Variants in ABHD3 observed in about 807,000 individuals in gnomAD.
The protein encoded by ABHD3 is phospholipase ABHD3.
ABHD3 carries 46 observed loss-of-function variants against 48.8 expected under a neutral mutation model. The observed-to-expected ratio is 0.94, with a 90% CI of 0.74 to 1.20. The LOEUF (loss-of-function observed/expected upper bound fraction) is 1.20. Ranked by LOEUF, ABHD3 falls within the 50% of genes most tolerant of loss-of-function variation. ABHD3 has a pLI of 0.00. For missense variants in ABHD3, 490 were observed against 497.8 expected (o/e 0.98, Z 0.15); for synonymous variants, 192 against 183.7 (o/e 1.04, Z -0.36).
intron 3 of ABHD3, among the ~76,000 whole-genome samples, chr18:21,694,651 C>A (rs192211679): frequency 1.5e-3 from 222 of 152,274 alleles, no homozygotes; most frequent in African/African-American, 5.1e-3. Context: ...TCGAGTGATC[C>A]TTTTGCCCTC....
chr18:21,670,697 C>A (rs2039738267), intron 4 of ABHD3, among the ~76,000 whole-genome samples: 1 of 152,160 alleles, frequency 6.6e-6, no homozygotes, highest in Non-Finnish European at 1.5e-5. Flanking sequence ...TCAACCTTGC[C>A]TGTTGAAATT....
intron 4 of ABHD3, among the ~76,000 whole-genome samples, chr18:21,674,132 T>C (rs915629009): frequency 1.5e-4 from 23 of 152,170 alleles, no homozygotes; most frequent in Non-Finnish European, 2.8e-4. Flanking sequence ...CCCAAACATC[T>C]CATACCTTAC....
chr18:21,700,562 C>T (rs1333040371), intron 3 of ABHD3, among the ~76,000 whole-genome samples: 2 of 151,638 alleles, frequency 1.3e-5, no homozygotes, highest in Non-Finnish European at 2.9e-5. Flanking sequence ...TCACACCTGG[C>T]TAATTTTTGT....
intron 4 of ABHD3, among the ~76,000 whole-genome samples, chr18:21,680,833 TTC>T (rs2039987898): frequency 6.7e-6 from 1 of 150,134 alleles, no homozygotes; most frequent in Non-Finnish European, 1.5e-5. Flanking sequence ...TATTTGTTGT[TTC>T]TTTTTTTCTT....
Position 21,702,416 on chromosome 18 carries a change from T to C in ABHD3, c.409A>G (p.Ser137Gly), listed in dbSNP as rs1340911772. ...AACAATAAGATAGTAGGTCTGGTGC[T>C]GGCATCCATATAACACGTACTGTTA... is the stretch of plus-strand genomic sequence containing the variant. The part of the protein sequence containing the change: ...NDNSTCYMDA[S>G]TRPTILLLPG... The change falls in exon 3 of 9, where the codon AGC (serine) becomes GGC (glycine). Residue 137 changes from serine to glycine, a missense_variant. By Grantham distance (56) the Ser-to-Gly change is moderately conservative (BLOSUM62 0). Coordinates refer to ENST00000289119, the MANE Select transcript of ABHD3 (RefSeq NM_138340.5). The C allele has an allele frequency of 6.2e-7, 1 of 1,614,116 alleles. No individual in the cohort carries two copies. The highest frequency in any genetic ancestry group is 1.7e-5 in the Admixed American group (1 of 60,010).
intron 3 of ABHD3, among the ~76,000 whole-genome samples, chr18:21,696,205 G>A (rs1312642830): frequency 2.7e-5 from 4 of 150,068 alleles, no homozygotes; most frequent in East Asian, 1.9e-4. Flanking sequence ...GTGCAGTGGC[G>A]CGATCTCGGC....
chr18:21,695,092 G>A (rs974350592), intron 3 of ABHD3, among the ~76,000 whole-genome samples: 2 of 152,054 alleles, frequency 1.3e-5, no homozygotes, highest in Admixed American at 6.6e-5. Context: ...GAGTGCAATG[G>A]AGCAATCTCA....
chr18:21,701,976 A>G (rs1304188147), intron 3 of ABHD3: 1 of 168,788 alleles, frequency 5.9e-6, no homozygotes, highest in Non-Finnish European at 1.3e-5. Context: ...GTACTCTCTC[A>G]GGGGTCTGTA....
At chr18:21,696,739 T>G (rs1022258533) in intron 3 of ABHD3, among the ~76,000 whole-genome samples, 4 of 147,714 alleles carry the variant, frequency 2.7e-5, no homozygotes, top group Non-Finnish European at 5.9e-5. Flanking sequence ...TAGTTTTGGT[T>G]TTTTTTTGGT....
chr18:21,663,896 C>T lies in ABHD3; in HGVS notation c.668+222G>A, dbSNP rs547304832. On this transcript the variant is annotated intron_variant, in intron 5 of 8. Transcript: ENST00000289119. ...GACAAACCTTCAGGCTCACAAAATC[C>T]GCAGTCACAGAGACCCGTAGTTAAG... The T allele has an allele frequency of 5.6e-6, 8 of 1,439,160 alleles. No individual in the cohort carries two copies. The East Asian group carries it at 1.0e-4, about 18-fold the overall frequency. 89.1% of individuals were successfully genotyped at this position (1,439,160 alleles called of 1,614,324 possible).
chr18:21,704,455 C>T (rs1938930391), intron 1 of ABHD3, 49 bp downstream of exon 1: 1 of 1,306,840 alleles, frequency 7.7e-7, no homozygotes, highest in South Asian at 2.4e-5. Context: ...CGCCTGCTAC[C>T]CTAGCTCCTG....
At chr18:21,668,200 C>CAAAAAAAAAAAAA (rs747590942) in intron 4 of ABHD3, among the ~76,000 whole-genome samples, 3 of 61,346 alleles carry the variant, frequency 4.9e-5, no homozygotes, top group Admixed American at 2.1e-4. Flanking sequence ...GAATCTATCT[C>CAAAAAAAAAAAAA]AAAAAAAAAA....
At chr18:21,686,860 C>A (rs2040138943) in intron 3 of ABHD3, among the ~76,000 whole-genome samples, 1 of 152,212 alleles carries the variant, frequency 6.6e-6, no homozygotes, top group Admixed American at 6.5e-5. Flanking sequence ...GAACACTGAA[C>A]TAAAAGGGCT....
intron 4 of ABHD3, among the ~76,000 whole-genome samples, chr18:21,669,485 T>C (rs939697762): frequency 2.0e-5 from 3 of 152,270 alleles, no homozygotes; most frequent in Non-Finnish European, 2.9e-5. Flanking sequence ...TACCCAGTTC[T>C]TGAAGCTCTT....
intron 4 of ABHD3, among the ~76,000 whole-genome samples, chr18:21,665,857 A>G (rs895859050): frequency 6.6e-6 from 1 of 151,594 alleles, no homozygotes; most frequent in African/African-American, 2.4e-5. Flanking sequence ...TGTACCCCAA[A>G]TCCCCAAAAT....
intron 8 of ABHD3, among the ~76,000 whole-genome samples, chr18:21,655,617 A>G (rs2039328374): frequency 6.6e-6 from 1 of 152,018 alleles, no homozygotes; most frequent in African/African-American, 2.4e-5. Flanking sequence ...AGGCAGGCGG[A>G]TCGCCTGAGG....
intron 3 of ABHD3, among the ~76,000 whole-genome samples, chr18:21,695,764 G>A (rs763254186): frequency 1.1e-4 from 17 of 152,184 alleles, no homozygotes; most frequent in East Asian, 3.9e-4. Context: ...AGTTTATACC[G>A]TCACTACTAT....
chr18:21,680,164 T>A (rs1158094565), intron 4 of ABHD3, among the ~76,000 whole-genome samples: 1 of 151,992 alleles, frequency 6.6e-6, no homozygotes, highest in African/African-American at 2.4e-5. Context: ...AAGGTATGTG[T>A]CACTACACCT....
Position 21,702,381 on chromosome 18 carries a change from G to T in ABHD3, c.444C>A (p.Leu148=). The change falls in exon 3 of 9, where the codon CTC becomes CTA. Residue 148 remains leucine, a synonymous_variant. Coordinates refer to ENST00000289119, the MANE Select transcript of ABHD3 (RefSeq NM_138340.5). ...TATATGACTCCTTGCTTGTTCCCGT[G>T]AGGCCAGGCAACAATAAGATAGTAG... ...TRPTILLLPG[L]TGTSKESYIL... 3 of 1,613,950 alleles carry T rather than the reference G, an allele frequency of 1.9e-6. No individual in the cohort carries two copies. Among genetic ancestry groups the T allele is most frequent in the Non-Finnish European group, 2.5e-6 (3 of 1,179,922 alleles).
Sources: allele counts gnomAD v4.1 joint callset (sites outside exome capture counted in the v4.1 genomes callset), GRCh38; gene constraint gnomAD v4.1.1; transcripts MANE v1.5; gene names NCBI Gene and HGNC (gene_info 2026-07-23, HGNC 2026-07-21).